The following ADRA1A variants were observed in gnomAD, a reference collection of about 807,000 sequenced individuals.
ADRA1A encodes adrenoceptor alpha 1A, also known as alpha-1A adrenergic receptor.
ADRA1A carries 31 observed loss-of-function variants against 29.6 expected under a neutral mutation model. The ratio of observed to expected loss-of-function variants is 1.05; its 90% CI spans 0.79 to 1.41. The LOEUF (loss-of-function observed/expected upper bound fraction) is 1.41, where lower values mean the gene tolerates loss of function less well. ADRA1A is among the 40% of genes most tolerant of loss of function. ADRA1A has a pLI of 0.00. For synonymous variants in ADRA1A, 311 were observed against 254.3 expected (o/e 1.22, Z -2.12); for missense variants, 619 against 601.1 (o/e 1.03, Z -0.31).
rs1302958120 is a variant in ADRA1A at position 26,825,398 on chromosome 8, G to A, written c.883+38689C>T. ...TGTTTGACAAAAAATGGGGAGGGTG[G>A]GTAGGGAGGAAGATGGAGTTTCTTT... On this transcript the variant is annotated intron_variant, in intron 2 of 2. Transcript: ENST00000380573. This position sits in a 1 kb window ranked among gnomAD's most constrained non-coding sequence, Gnocchi z 5.7. 6.6e-6 allele frequency among the ~76,000 whole-genome samples: 1 copy of A among 151,930 alleles called. No homozygotes were observed. Among genetic ancestry groups the A allele is most frequent in the Non-Finnish European group, 1.5e-5 (1 of 67,960 alleles).
At chr8:26,813,994 G>T (rs551864211) in intron 2 of ADRA1A, among the ~76,000 whole-genome samples, 29 of 152,246 alleles carry the variant, frequency 1.9e-4, no homozygotes, top group Middle Eastern at 3.4e-3. Context: ...TTTGTAACTT[G>T]GGGCCCACAG....
In ADRA1A at chr8:26,769,076, C is replaced by T. The variant is rs139116430; in HGVS notation, c.*1073G>A. ...ACTTGGATCATAAGGCTCATTCCAA[C>T]ATGCCACAGGTGAAGCTCATTCATT... On this transcript the variant is annotated 3_prime_UTR_variant, in exon 3 of 3. Transcript: ENST00000380573. The T allele has an allele frequency of 1.6e-5, 16 of 985,416 alleles. No individual in the cohort carries two copies. Among genetic ancestry groups the T allele is most frequent in the Non-Finnish European group, 1.9e-5 (16 of 829,904 alleles). 61.0% of individuals were successfully genotyped at this position (985,416 alleles called of 1,614,324 possible).
Position 26,750,867 on chromosome 8 carries a change from C to T in ADRA1A, c.1270-2119G>A, listed in dbSNP as rs549790463. Among the ~76,000 whole-genome samples, 7 of 152,216 alleles carry T rather than the reference C, an allele frequency of 4.6e-5. No individual in the cohort carries two copies. The South Asian group carries it at 6.2e-4, about 14-fold the overall frequency. On this transcript the variant is annotated intron_variant, in intron 2 of 2. Transcript: ENST00000380586. Reference sequence around the variant, plus strand: ...GGCAGATCACCTGAGGTCGGGAGTTCGAGACCAGCCTGACCAACATGGAGA... The same window carrying T: ...GGCAGATCACCTGAGGTCGGGAGTTTGAGACCAGCCTGACCAACATGGAGA...
chr8:26,827,905 T>C (rs1010170473), intron 2 of ADRA1A, among the ~76,000 whole-genome samples: 2 of 152,116 alleles, frequency 1.3e-5, no homozygotes, highest in Admixed American at 6.5e-5. Flanking sequence ...TTTATTATTA[T>C]TTTTTTGAGA....
At chr8:26,776,331 C>T (rs1057225000) in intron 2 of ADRA1A, among the ~76,000 whole-genome samples, 2 of 152,198 alleles carry the variant, frequency 1.3e-5, no homozygotes, top group African/African-American at 4.8e-5. Flanking sequence ...TTCTTGGTTC[C>T]AGCCTCCAGC....
intron 2 of ADRA1A, among the ~76,000 whole-genome samples, chr8:26,839,717 G>C (rs1247220544): frequency 2.0e-5 from 3 of 152,218 alleles, no homozygotes; most frequent in Admixed American, 6.5e-5. Context: ...AGAAATGGAA[G>C]TAATTTGGCG....
chr8:26,855,454 CA>C (rs1812976362), intron 2 of ADRA1A, among the ~76,000 whole-genome samples: 1 of 148,192 alleles, frequency 6.7e-6, no homozygotes, highest in South Asian at 2.1e-4. Flanking sequence ...AAAAAGTGGC[CA>C]AAAAGCACAG....
chr8:26,852,443 T>C (rs1292446210), intron 2 of ADRA1A, among the ~76,000 whole-genome samples: 1 of 152,134 alleles, frequency 6.6e-6, no homozygotes, highest in Non-Finnish European at 1.5e-5. Context: ...AGGACTTGGA[T>C]TCTTTGAAAA....
In ADRA1A at chr8:26,769,442, G is replaced by T; in HGVS notation, c.*707C>A. On this transcript the variant is annotated 3_prime_UTR_variant, in exon 3 of 3. Transcript: ENST00000380573. ...TCTTGGGAAAAGCCATACCACCCTG[G>T]TTGGTTCTTTCAACCCTCTCCTGAC... 3.0e-6 allele frequency: 3 copies of T among 985,368 alleles called. No homozygotes were observed. The highest frequency in any genetic ancestry group is 3.6e-6 in the Non-Finnish European group (3 of 829,928). The allele number at this position is 985,368 out of a possible 1,614,324, so 61.0% of individuals were successfully genotyped here. A position where few individuals can be genotyped will look rare whatever the true frequency, so the allele number is the denominator to read the frequency against.
At chr8:26,748,371 T>TGTC (rs1804780618) in exon 3 of ADRA1A, 1 of 180,434 alleles carries the variant, frequency 5.5e-6, no homozygotes, top group East Asian at 1.8e-4. Context: ...CTGCTGTTTT[T>TGTC]CTTTCTTTTG....
intron 2 of ADRA1A, among the ~76,000 whole-genome samples, chr8:26,784,521 TTCTC>T (rs1010279893): frequency 2.6e-5 from 4 of 152,222 alleles, no homozygotes; most frequent in East Asian, 3.9e-4. Context: ...AGTTATCAAT[TTCTC>T]TCTCTCTCAC....
At chr8:26,755,391 A>T (rs1304056188), downstream of ADRA1A, among the ~76,000 whole-genome samples, 1 of 152,172 alleles carries the variant, frequency 6.6e-6, no homozygotes, top group Non-Finnish European at 1.5e-5. Flanking sequence ...CTTAAAAAAA[A>T]GAGTGAGAAG....
chr8:26,857,501 T>C (rs577270465), intron 2 of ADRA1A, among the ~76,000 whole-genome samples: 1 of 152,264 alleles, frequency 6.6e-6, no homozygotes, highest in Non-Finnish European at 1.5e-5. Context: ...ATCCCATTTC[T>C]ATAAAAATAA....
intron 2 of ADRA1A, among the ~76,000 whole-genome samples, chr8:26,790,253 C>T (rs1425180643): frequency 1.3e-5 from 2 of 152,052 alleles, no homozygotes; most frequent in Non-Finnish European, 2.9e-5. Flanking sequence ...GGTATATATA[C>T]ACAATAGAAT....
At chr8:26,847,353 A>G (rs960356493) in intron 2 of ADRA1A, among the ~76,000 whole-genome samples, 4 of 152,180 alleles carry the variant, frequency 2.6e-5, no homozygotes, top group Non-Finnish European at 4.4e-5. Context: ...GAGAACTACT[A>G]ATGTGACCTC....
rs1486757548 is a variant in ADRA1A at position 26,831,476 on chromosome 8, C to A, written c.883+32611G>T. Among the ~76,000 whole-genome samples, 2 of 152,148 alleles carry A rather than the reference C, an allele frequency of 1.3e-5. No individual in the cohort carries two copies. Among genetic ancestry groups the A allele is most frequent in the African/African-American group, 2.4e-5 (1 of 41,422 alleles). ...CTCTGCTGGGATTGCCCAGTACCAA[C>A]CCCCTGCCCACACCCCACCACTGAT... On this transcript the variant is annotated intron_variant, in intron 2 of 2. Coordinates refer to ENST00000380573, the MANE Select transcript of ADRA1A (RefSeq NM_000680.4). This position sits in a 1 kb window ranked among gnomAD's most constrained non-coding sequence, Gnocchi z 5.2.
At chr8:26,820,140 A>G (rs1274897918) in intron 2 of ADRA1A, among the ~76,000 whole-genome samples, 2 of 152,234 alleles carry the variant, frequency 1.3e-5, no homozygotes, top group African/African-American at 2.4e-5. Flanking sequence ...GAGCAATATA[A>G]TAATAGTAGT....
intron 2 of ADRA1A, among the ~76,000 whole-genome samples, chr8:26,802,951 G>A (rs899876853): frequency 9.2e-5 from 14 of 152,132 alleles, no homozygotes; most frequent in Admixed American, 5.2e-4. Context: ...AGGACATTTT[G>A]TTAAGTGAAA....
intron 2 of ADRA1A, among the ~76,000 whole-genome samples, chr8:26,758,240 T>C (rs1307843132): frequency 6.6e-6 from 1 of 152,182 alleles, no homozygotes; most frequent in Non-Finnish European, 1.5e-5. Context: ...TGACCTGCTT[T>C]CTAATTACAG....
Sources: gnomAD v4.1 joint callset for allele counts (sites outside exome capture counted in the v4.1 genomes callset) on GRCh38, gnomAD v4.1.1 for gene constraint, Gnocchi (gnomAD v3.1) non-coding constraint, MANE v1.5 for transcripts, NCBI Gene and HGNC (gene_info 2026-07-23, HGNC 2026-07-21) for gene names.